The following SYNE1 variants were observed in gnomAD, a reference collection of about 807,000 sequenced individuals.
SYNE1 encodes spectrin repeat containing nuclear envelope protein 1, also known as nesprin-1.
SYNE1 carries 616 observed loss-of-function variants against 1,111.0 expected under a neutral mutation model. The ratio of observed to expected loss-of-function variants is 0.55; its 90% CI spans 0.52 to 0.59. SYNE1 has a LOEUF of 0.59. Among genes scored for constraint, SYNE1 ranks in the 20% least tolerant of loss-of-function variants. The probability of loss-of-function intolerance (pLI) is 0.00; values close to 1 mark genes in which losing one functional copy is unlikely to be tolerated. For synonymous variants in SYNE1, 3,855 were observed against 3,825.8 expected, an observed-to-expected ratio of 1.01 and a Z score of -0.28; for missense variants, 10,006 against 10,417.0, an observed-to-expected ratio of 0.96 and a Z score of 1.72.
At chr6:152,299,505 G>C (rs1329988793) in intron 93 of SYNE1, among the ~76,000 whole-genome samples, 2 of 152,178 alleles carry the variant, frequency 1.3e-5, no homozygotes, top group Non-Finnish European at 2.9e-5. Flanking sequence ...GGCCTTGCAG[G>C]TAGGGCCATG....
rs542353174 is a variant in SYNE1 at position 152,440,008 on chromosome 6, G to A, written c.4149+1122C>T. ...CATCTTTTCCCATGAACAACTTCTCGTTCACATCCCCCATCTCACTTCCAT... is the reference window on the plus strand; with the variant it reads ...CATCTTTTCCCATGAACAACTTCTCATTCACATCCCCCATCTCACTTCCAT... On this transcript the variant is annotated intron_variant, in intron 32 of 145. Coordinates refer to ENST00000367255, the MANE Select transcript of SYNE1 (RefSeq NM_182961.4). Among the ~76,000 whole-genome samples, 11 of 152,134 alleles carry A rather than the reference G, an allele frequency of 7.2e-5. No homozygotes were observed. In the East Asian group the frequency reaches 9.7e-4, roughly 13 times the overall value.
intron 18 of SYNE1, 96 bp downstream of exon 18, chr6:152,465,162 T>C: frequency 7.3e-7 from 1 of 1,376,290 alleles, no homozygotes; most frequent in Non-Finnish European, 1.0e-6. Context: ...GAGTGACACT[T>C]GTAAATATAT....
chr6:152,460,751 T>G (rs192566083), intron 21 of SYNE1, among the ~76,000 whole-genome samples: 2 of 107,030 alleles, frequency 1.9e-5, no homozygotes, highest in Non-Finnish European at 3.5e-5. Context: ...TGACTAGTGC[T>G]TACATCCATC....
intron 100 of SYNE1, among the ~76,000 whole-genome samples, chr6:152,266,619 A>C (rs2092722330): frequency 6.6e-6 from 1 of 152,208 alleles, no homozygotes; most frequent in African/African-American, 2.4e-5. Flanking sequence ...GTCCCTGCTT[A>C]TAGATGCCAT....
chr6:152,363,067 G>A (rs1055245027), intron 63 of SYNE1, among the ~76,000 whole-genome samples: 14 of 151,450 alleles, frequency 9.2e-5, no homozygotes, highest in African/African-American at 2.4e-4. Flanking sequence ...ACTTTTGGTA[G>A]AGACAGGGTT....
intron 4 of SYNE1, among the ~76,000 whole-genome samples, chr6:152,530,916 T>G (rs1056862787): frequency 6.6e-6 from 1 of 151,890 alleles, no homozygotes; most frequent in Non-Finnish European, 1.5e-5. Flanking sequence ...AGCCACCACA[T>G]CCCGCCGTGT....
At chr6:152,519,291 G>A (rs1011650421) in intron 6 of SYNE1, among the ~76,000 whole-genome samples, 10 of 152,140 alleles carry the variant, frequency 6.6e-5, no homozygotes, top group African/African-American at 2.2e-4. Flanking sequence ...AAGGAACGAA[G>A]CCTCTTTAGA....
At chr6:152,588,863 C>T (rs181184797) in intron 3 of SYNE1, among the ~76,000 whole-genome samples, 219 of 152,220 alleles carry the variant, frequency 1.4e-3, no homozygotes, top group Admixed American at 0.012. Flanking sequence ...CTAAGGGCAC[C>T]TTTTGAAAAA....
At chr6:152,293,802 A>T in intron 94 of SYNE1, 53 bp from the exon 95 acceptor site, 2 of 1,613,356 alleles carry the variant, frequency 1.2e-6, no homozygotes, top group South Asian at 2.2e-5. Flanking sequence ...TATCTTTCAG[A>T]TTACAACATT....
intron 6 of SYNE1, among the ~76,000 whole-genome samples, chr6:152,519,400 A>G (rs2099128047): frequency 6.6e-6 from 1 of 152,180 alleles, no homozygotes; most frequent in Non-Finnish European, 1.5e-5. Flanking sequence ...ATTATGAGCC[A>G]ATATTAAAAA....
At position 152,268,104 on chromosome 6, in the gene SYNE1, T is replaced by A. The variant is rs2092875328; in HGVS notation, c.18767A>T (p.Glu6256Val). ...SLLRSVASRG[E>V]EILIQHSAAE... ...CGCCGAATGTTGAATTAGAATCTCC[T>A]CTCCACGACTGGCTACTGAGCGAAG... The change falls in exon 100 of 146, where the codon GAG becomes GTG. Residue 6256 changes from glutamate (E) to valine (V), a missense_variant. Glu to Val is a moderately radical substitution (Grantham distance 121). Coordinates refer to ENST00000367255, the MANE Select transcript of SYNE1 (RefSeq NM_182961.4). The A allele has an allele frequency of 6.2e-7, 1 of 1,613,988 alleles. No individual in the cohort carries two copies. The highest frequency in any genetic ancestry group is 1.1e-5 in the South Asian group (1 of 91,078).
chr6:152,330,172 T>G lies in SYNE1; in HGVS notation c.14513A>C (p.His4838Pro). The change falls in exon 78 of 146, where the codon CAT (histidine) becomes CCT (proline). Residue 4838 changes from histidine (H) to proline (P), a missense_variant. His to Pro is a moderately conservative substitution (Grantham distance 77, BLOSUM62 -2). Transcript: ENST00000367255. ...SGIVLKRVTI[H>P]LEDLAPHLDP... ...AAGGTGTGGGGCAAGATCTTCAAGA[T>G]GTATGGTTACTCGTTTCAGTACAAT... 1 of 1,614,196 alleles carries G rather than the reference T, an allele frequency of 6.2e-7. No homozygotes were observed. The highest frequency in any genetic ancestry group is 1.3e-5 in the African/African-American group (1 of 75,070).
Position 152,465,393 on chromosome 6 carries a change from T to C in SYNE1, c.1797A>G (p.Val599=). 1 of 1,613,832 alleles carries C rather than the reference T, an allele frequency of 6.2e-7. No individual in the cohort carries two copies. The highest frequency in any genetic ancestry group is 8.5e-7 in the Non-Finnish European group (1 of 1,179,818). The change falls in exon 18 of 146, where the codon GTA becomes GTG. Residue 599 remains valine (V), a synonymous_variant. Coordinates refer to ENST00000367255, the MANE Select transcript of SYNE1 (RefSeq NM_182961.4). The part of the protein sequence containing the change: ...ETTAQWRNLS[V]EVRSVRSMLE... ...GCATGCTCCTCACACTCCTCACTTC[T>C]ACTGAGAGATTCCTCCACTGAGCGG...
Position 152,263,154 on chromosome 6 carries a change from G to A in SYNE1, c.18816-966C>T, listed in dbSNP as rs185704137. ...GGACACAGGAATGATCGTACAGGAT[G>A]TGGGAAGGTAGTATAGGGCATGGAG... On this transcript the variant is annotated intron_variant, in intron 100 of 145. Coordinates refer to ENST00000367255, the MANE Select transcript of SYNE1 (RefSeq NM_182961.4). Among the ~76,000 whole-genome samples, 7 of 151,708 alleles carry A rather than the reference G, an allele frequency of 4.6e-5. No individual in the cohort carries two copies. The East Asian group carries it at 1.4e-3, about 30-fold the overall frequency.
At chr6:152,601,773 G>C (rs1012016158) in intron 3 of SYNE1, among the ~76,000 whole-genome samples, 1 of 152,318 alleles carries the variant, frequency 6.6e-6, no homozygotes, top group Non-Finnish European at 1.5e-5. Flanking sequence ...TGGTTCCTAA[G>C]ATGAGATCCC....
chr6:152,514,648 C>A (rs1212668139), intron 6 of SYNE1, among the ~76,000 whole-genome samples: 8 of 147,094 alleles, frequency 5.4e-5, no homozygotes, highest in South Asian at 2.2e-4. Flanking sequence ...TAAAAAAAAA[C>A]AATGAATACC....
chr6:152,449,940 T>C (rs576169161), intron 27 of SYNE1, among the ~76,000 whole-genome samples: 1 of 152,320 alleles, frequency 6.6e-6, no homozygotes, highest in East Asian at 1.9e-4. Flanking sequence ...TGGCCTCGTG[T>C]GTCCCCACCA....
chr6:152,164,037 A>T, intron 131 of SYNE1, 126 bp downstream of exon 131: 1 of 1,321,198 alleles, frequency 7.6e-7, no homozygotes, highest in Non-Finnish European at 1.1e-6. Context: ...CCCCTTCCTC[A>T]CCAGTCCTGC....
At chr6:152,461,494 G>T in intron 21 of SYNE1, 103 bp downstream of exon 21, 1 of 1,434,346 alleles carries the variant, frequency 7.0e-7, no homozygotes, top group Non-Finnish European at 9.8e-7. Flanking sequence ...CAAAAGCATC[G>T]TTAACAAGTA....
Sources: allele counts gnomAD v4.1 joint callset (sites outside exome capture counted in the v4.1 genomes callset), GRCh38; gene constraint gnomAD v4.1.1; transcripts MANE v1.5; gene names NCBI Gene and HGNC (gene_info 2026-07-23, HGNC 2026-07-21).